The following VPS13A variants were observed in gnomAD, a reference collection of about 807,000 sequenced individuals.
VPS13A encodes vacuolar protein sorting 13 homolog A.
In VPS13A, 264 loss-of-function variants were observed where a neutral mutation model predicts 390.9. The ratio of observed to expected loss-of-function variants is 0.68; its 90% CI spans 0.61 to 0.75. The LOEUF (loss-of-function observed/expected upper bound fraction) is 0.75, where lower values mean the gene tolerates loss of function less well. Ranked by LOEUF, VPS13A falls within the 30% of genes least tolerant of loss-of-function variation. The probability of loss-of-function intolerance (pLI) is 0.00; values close to 1 mark genes in which losing one functional copy is unlikely to be tolerated. For synonymous variants in VPS13A, 1,231 were observed against 1,227.1 expected (o/e 1.00, Z -0.07); for missense variants, 3,409 against 3,733.9 (o/e 0.91, Z 2.27).
chr9:77,189,894 C>T (rs1824570407), intron 1 of VPS13A, among the ~76,000 whole-genome samples: 1 of 152,056 alleles, frequency 6.6e-6, no homozygotes, highest in Non-Finnish European at 1.5e-5. Flanking sequence ...CTTGATTTGG[C>T]TCTCAGCTTG....
At chr9:77,238,451 T>C (rs1824279402) in intron 19 of VPS13A, 65 bp downstream of exon 19, 5 of 1,192,700 alleles carry the variant, frequency 4.2e-6, no homozygotes, top group Admixed American at 1.8e-5. Context: ...TTATTTATGG[T>C]AGAATGTTTT....
intron 44 of VPS13A, among the ~76,000 whole-genome samples, chr9:77,322,408 T>C (rs1233070812): frequency 1.3e-5 from 2 of 151,988 alleles, no homozygotes; most frequent in African/African-American, 4.8e-5. Flanking sequence ...GAGGGCATCA[T>C]TTAAAAGATT....
chr9:77,308,715 G>C (rs1828905512), intron 35 of VPS13A, among the ~76,000 whole-genome samples: 1 of 152,116 alleles, frequency 6.6e-6, no homozygotes, highest in Admixed American at 6.6e-5. Flanking sequence ...GTCAGTTAGT[G>C]CTGGGATGAC....
intron 36 of VPS13A, 77 bp downstream of exon 36, chr9:77,314,196 T>A (rs1420023682): frequency 6.7e-7 from 1 of 1,491,250 alleles, no homozygotes; most frequent in African/African-American, 1.4e-5. Context: ...GTAACAAATG[T>A]TAATATTTAA....
chr9:77,408,868 G>A (rs1055502456), intron 71 of VPS13A, among the ~76,000 whole-genome samples: 1 of 152,230 alleles, frequency 6.6e-6, no homozygotes, highest in African/African-American at 2.4e-5. Context: ...CACCTCTGGG[G>A]GCAGGGCACA....
chr9:77,210,658 C>A lies in VPS13A; in HGVS notation c.538C>A (p.Gln180Lys), dbSNP rs1187439668. 1.3e-5 allele frequency: 21 copies of A among 1,613,706 alleles called. No individual in the cohort carries two copies. The highest frequency in any genetic ancestry group is 1.8e-5 in the Non-Finnish European group (21 of 1,179,962). Reference sequence around the variant, plus strand: ...ACCGCTGTCATTTGGTATTTCCCTTCAAAATCTGAGCATGCAGGTATTTTG... The same window carrying A: ...ACCGCTGTCATTTGGTATTTCCCTTAAAAATCTGAGCATGCAGGTATTTTG... ...DKPLSFGISL[Q>K]NLSMQTTDQY... Residue 180 changes from glutamine to lysine, a missense_variant, in exon 7 of 72, where the codon CAA becomes AAA. By Grantham distance (53) the Gln-to-Lys change is moderately conservative (BLOSUM62 1). This residue lies in a region of VPS13A where 2,717 missense variants were observed against 2,917.4 expected (regional missense o/e 0.93). Transcript: ENST00000360280.
chr9:77,395,626 A>G (rs941881780), intron 68 of VPS13A: 1 of 152,210 alleles, frequency 6.6e-6, no homozygotes, highest in Non-Finnish European at 1.5e-5. Context: ...GAAATACAAT[A>G]AAATGGAGTA....
At chr9:77,187,841 T>C (rs1378244852) in intron 1 of VPS13A, among the ~76,000 whole-genome samples, 1 of 152,098 alleles carries the variant, frequency 6.6e-6, no homozygotes, top group Non-Finnish European at 1.5e-5. Flanking sequence ...CGATAGATAG[T>C]TTTTTGATCC....
intron 42 of VPS13A, 23 bp downstream of exon 42, chr9:77,319,696 G>GTA: frequency 8.3e-7 from 1 of 1,208,538 alleles, no homozygotes; most frequent in Non-Finnish European, 1.2e-6. Context: ...ATGTCTATGT[G>GTA]TGTATATATA....
chr9:77,312,575 C>T (rs948688620), intron 35 of VPS13A, among the ~76,000 whole-genome samples: 1 of 151,952 alleles, frequency 6.6e-6, no homozygotes, highest in South Asian at 2.1e-4. Context: ...TACAGGTGCC[C>T]GCCACCATGC....
chr9:77,267,593 G>A (rs1400863941), intron 23 of VPS13A, among the ~76,000 whole-genome samples: 3 of 152,196 alleles, frequency 2.0e-5, no homozygotes, highest in African/African-American at 7.2e-5. Flanking sequence ...CCTGTATGAG[G>A]TGTCTGTCGA....
intron 33 of VPS13A, among the ~76,000 whole-genome samples, chr9:77,298,623 C>T (rs115873148): frequency 0.015 from 2,209 of 151,850 alleles, 50 homozygotes; most frequent in African/African-American, 0.05. Context: ...CAAGTGTGAC[C>T]GAAGGTAGTG....
chr9:77,255,603 A>G (rs1825392442), intron 22 of VPS13A, among the ~76,000 whole-genome samples: 1 of 151,924 alleles, frequency 6.6e-6, no homozygotes, highest in Non-Finnish European at 1.5e-5. Flanking sequence ...TCAGTTTTTG[A>G]TTGTTTGGTA....
Position 77,228,119 on chromosome 9 carries a change from T to G in VPS13A, c.1453-3T>G, listed in dbSNP as rs749321791. 6.3e-7 allele frequency: 1 copy of G among 1,588,114 alleles called. No individual in the cohort carries two copies. The highest frequency in any genetic ancestry group is 1.7e-5 in the Admixed American group (1 of 59,192). ...TCATTTTATTCTTCTGAATATACCT[T>G]AGTTTGAAGCCTTGAAGTTTTTTGT... On this transcript the variant is annotated splice_region_variant and splice_polypyrimidine_tract_variant and intron_variant, in intron 16 of 71. Transcript: ENST00000360280.
At chr9:77,337,649 G>T (rs1185561895) in intron 47 of VPS13A, 112 bp downstream of exon 47, 8 of 1,056,056 alleles carry the variant, frequency 7.6e-6, no homozygotes. Context: ...TAGAATACTA[G>T]TAAAGAATAG....
In VPS13A at chr9:77,325,295, C is replaced by T. The variant is rs76117417; in HGVS notation, c.5991+2068C>T. 7.2e-3 allele frequency among the ~76,000 whole-genome samples: 1,089 copies of T among 152,178 alleles called. 12 individuals carry two copies. Among genetic ancestry groups the T allele is most frequent in the African/African-American group, 0.025 (1,018 of 41,512 alleles). On this transcript the variant is annotated intron_variant, in intron 45 of 71. Transcript: ENST00000360280. The stretch of plus-strand genomic sequence containing the variant: ...TTGCTTCCTGCCGTGCAGCCCACTT[C>T]TTAACAGGCCACAGACCGGTACAGC...
intron 71 of VPS13A, among the ~76,000 whole-genome samples, chr9:77,408,472 G>C (rs11145416): frequency 1.3e-5 from 2 of 152,168 alleles, no homozygotes; most frequent in Non-Finnish European, 1.5e-5. Context: ...CGCACCGAGC[G>C]TGAGCCAAAG....
chr9:77,315,692 G>T (rs1452372147), intron 38 of VPS13A, among the ~76,000 whole-genome samples: 1 of 152,064 alleles, frequency 6.6e-6, no homozygotes, highest in Non-Finnish European at 1.5e-5. Flanking sequence ...TGAAACCTAT[G>T]TTAGAATAAG....
At chr9:77,332,178 A>G in intron 46 of VPS13A, 65 bp downstream of exon 46, 1 of 1,286,822 alleles carries the variant, frequency 7.8e-7, no homozygotes, top group Non-Finnish European at 1.1e-6. Context: ...TTCTGATTTC[A>G]CATGGATAAC....
Sources: gnomAD v4.1 joint callset for allele counts (sites outside exome capture counted in the v4.1 genomes callset) on GRCh38, gnomAD v4.1.1 for gene constraint, gnomAD v4.1.1 regional missense constraint, MANE v1.5 for transcripts, NCBI Gene and HGNC (gene_info 2026-07-23, HGNC 2026-07-21) for gene names.